Variants in GDPD5 observed in about 807,000 individuals in gnomAD.
GDPD5 encodes the protein glycerophosphodiester phosphodiesterase domain containing 5, also known as glycerophosphodiester phosphodiesterase 2.
Under a neutral mutation model 75.1 loss-of-function variants are expected in GDPD5, and 48 were observed. The observed-to-expected ratio is 0.64, with a 90% confidence interval of 0.51 to 0.81. The LOEUF (loss-of-function observed/expected upper bound fraction) is 0.81. Ranked by LOEUF, GDPD5 falls within the 40% of genes least tolerant of loss-of-function variation. The probability of loss-of-function intolerance (pLI) is 0.00; values close to 1 mark genes in which losing one functional copy is unlikely to be tolerated. For synonymous variants in GDPD5, 336 were observed against 339.0 expected, an observed-to-expected ratio of 0.99 and a Z score of 0.10; for missense variants, 706 against 822.6, an observed-to-expected ratio of 0.86 and a Z score of 1.73.
At chr11:75,480,924 A>G (rs1949900639) in intron 2 of GDPD5, among the ~76,000 whole-genome samples, 2 of 152,236 alleles carry the variant, frequency 1.3e-5, no homozygotes, top group South Asian at 4.1e-4. Flanking sequence ...TGTATTGTCT[A>G]CGGCTGTTTT....
At chr11:75,448,201 C>G (rs1232130950) in intron 9 of GDPD5, among the ~76,000 whole-genome samples, 4 of 152,174 alleles carry the variant, frequency 2.6e-5, no homozygotes, top group Non-Finnish European at 5.9e-5. Flanking sequence ...GCTAAGAAGC[C>G]TGGGTTCAAG....
intron 3 of GDPD5, 92 bp downstream of exon 3, chr11:75,477,527 G>T: frequency 1.4e-6 from 1 of 721,864 alleles, no homozygotes; most frequent in Non-Finnish European, 2.2e-6. Flanking sequence ...TCCAGAGCGA[G>T]TCAGCAGAGA....
At chr11:75,436,707 G>A (rs556677281) in intron 16 of GDPD5, among the ~76,000 whole-genome samples, 33 of 152,322 alleles carry the variant, frequency 2.2e-4, no homozygotes, top group Admixed American at 3.9e-4. Context: ...CCAAGCCATG[G>A]TGGATGACAG....
At chr11:75,468,020 G>A (rs569686969) in intron 3 of GDPD5, among the ~76,000 whole-genome samples, 207 of 152,290 alleles carry the variant, frequency 1.4e-3, no homozygotes, top group Non-Finnish European at 2.1e-3. Flanking sequence ...CAGTCACAGA[G>A]CACGACTGCA....
At chr11:75,483,374 A>C (rs1208749984) in intron 2 of GDPD5, among the ~76,000 whole-genome samples, 2 of 152,198 alleles carry the variant, frequency 1.3e-5, no homozygotes, top group Non-Finnish European at 2.9e-5. Flanking sequence ...TATGGAGCAG[A>C]GGCAGGATGC....
At chr11:75,493,615 T>A (rs1950154430) in intron 1 of GDPD5, among the ~76,000 whole-genome samples, 2 of 151,890 alleles carry the variant, frequency 1.3e-5, no homozygotes, top group East Asian at 3.9e-4. Context: ...TAAGATGCTG[T>A]GAAGGTCTAT....
intron 3 of GDPD5, among the ~76,000 whole-genome samples, chr11:75,474,481 C>A (rs1565201995): frequency 1.3e-5 from 2 of 152,244 alleles, no homozygotes; most frequent in African/African-American, 4.8e-5. Context: ...CCCTTCCTGG[C>A]TGTTGAGTGA....
chr11:75,499,686 A>G (rs1479247781), intron 1 of GDPD5, among the ~76,000 whole-genome samples: 2 of 152,122 alleles, frequency 1.3e-5, no homozygotes, highest in Non-Finnish European at 2.9e-5. Flanking sequence ...AGCGGGAAAG[A>G]CTTAGGCTAG....
chr11:75,444,755 C>A (rs564163434), intron 9 of GDPD5, among the ~76,000 whole-genome samples: 37 of 152,250 alleles, frequency 2.4e-4, no homozygotes, highest in African/African-American at 8.7e-4. Flanking sequence ...ATATAAATGC[C>A]TGACATGTAG....
At chr11:75,520,989 G>A (rs1941429374) in intron 1 of GDPD5, among the ~76,000 whole-genome samples, 1 of 152,230 alleles carries the variant, frequency 6.6e-6, no homozygotes, top group African/African-American at 2.4e-5. Context: ...CCCAGACAGT[G>A]GCCAGGCCAA....
At chr11:75,507,494 A>G (rs778080024) in intron 1 of GDPD5, among the ~76,000 whole-genome samples, 2 of 152,244 alleles carry the variant, frequency 1.3e-5, no homozygotes, top group Non-Finnish European at 2.9e-5. Context: ...GCTGGGGGGC[A>G]CTGGCTGCCT....
In GDPD5 at chr11:75,462,803, G is replaced by C; in HGVS notation, c.204C>G (p.Asp68Glu). 1 of 1,613,730 alleles carries C rather than the reference G, an allele frequency of 6.2e-7. No homozygotes were observed. Among genetic ancestry groups the C allele is most frequent in the Middle Eastern group, 1.7e-4 (1 of 6,056 alleles). Residue 68 changes from aspartate (D) to glutamate (E), a missense_variant, in exon 4 of 17, where the codon GAC becomes GAG. Physicochemically the swap from Asp to Glu is conservative, Grantham distance 45. Transcript: ENST00000336898. Reference protein sequence around the residue: ...WLYFWWEVHNDYDEFNWYLYN... With the variant: ...WLYFWWEVHNEYDEFNWYLYN... ...CTACTCACCAGTTGAATTCATCATA[G>C]TCATTGTGGACTTCCCACCAGAAGT... is the stretch of plus-strand genomic sequence containing the variant.
At position 75,443,123 on chromosome 11, in the gene GDPD5, G is replaced by T; in HGVS notation, c.948+13C>A. On this transcript the variant is annotated intron_variant, in intron 11 of 16. Transcript: ENST00000336898. ...TTTTCCATGCCTAAGATTGGGATCA[G>T]GTGCAGCCAGACCTTCAGGAACCAC... 1 of 1,594,478 alleles carries T rather than the reference G, an allele frequency of 6.3e-7. No individual in the cohort carries two copies. The highest frequency in any genetic ancestry group is 8.5e-7 in the Non-Finnish European group (1 of 1,170,002).
At chr11:75,522,372 G>A (rs537117480) in intron 1 of GDPD5, among the ~76,000 whole-genome samples, 4 of 152,282 alleles carry the variant, frequency 2.6e-5, no homozygotes, top group Admixed American at 6.5e-5. Context: ...CGTCTTTGCA[G>A]CAAGTTTCCT....
intron 1 of GDPD5, among the ~76,000 whole-genome samples, chr11:75,523,062 T>C (rs764333972): frequency 1.3e-5 from 2 of 152,312 alleles, no homozygotes; most frequent in South Asian, 4.1e-4. Flanking sequence ...TCTGAGAATT[T>C]CCCCAGACTT....
Position 75,449,112 on chromosome 11 carries a change from C to T in GDPD5, c.579G>A (p.Val193=), listed in dbSNP as rs779487483. 1.3e-6 allele frequency: 2 copies of T among 1,588,216 alleles called. No homozygotes were observed. The highest frequency in any genetic ancestry group is 2.3e-5 in the South Asian group (2 of 87,518). Residue 193 remains valine, a synonymous_variant, in exon 9 of 17, where the codon GTG becomes GTA. Coordinates refer to ENST00000336898, the MANE Select transcript of GDPD5 (RefSeq NM_030792.8). ...CGGTGAAGAAGGTACAGAGAATGGTCACCTGGGAGGCTGCAGATAAGGGGC... is the reference window on the plus strand; with the variant it reads ...CGGTGAAGAAGGTACAGAGAATGGTTACCTGGGAGGCTGCAGATAAGGGGC... ...FARAERTSSQ[V]TILCTFFTVV...
intron 6 of GDPD5, among the ~76,000 whole-genome samples, chr11:75,455,673 A>C (rs1000324475): frequency 1.3e-5 from 2 of 152,200 alleles, no homozygotes; most frequent in Admixed American, 1.3e-4. Flanking sequence ...CCTAAATGGC[A>C]GGCCCACGGG....
intron 3 of GDPD5, among the ~76,000 whole-genome samples, chr11:75,470,599 C>T (rs973449149): frequency 6.6e-6 from 1 of 152,166 alleles, no homozygotes; most frequent in African/African-American, 2.4e-5. Context: ...AAAGCCTTAT[C>T]TCTAAAGCAT....
chr11:75,445,528 G>T (rs1948963716), intron 9 of GDPD5, among the ~76,000 whole-genome samples: 2 of 152,220 alleles, frequency 1.3e-5, no homozygotes, highest in Non-Finnish European at 2.9e-5. Flanking sequence ...ACCAAGGATT[G>T]GGCGAAGACC....
Sources: gnomAD v4.1 joint callset for allele counts (sites outside exome capture counted in the v4.1 genomes callset) on GRCh38, gnomAD v4.1.1 for gene constraint, MANE v1.5 for transcripts, NCBI Gene and HGNC (gene_info 2026-07-23, HGNC 2026-07-21) for gene names.